The following CHSY1 variants were observed in gnomAD, a reference collection of about 807,000 sequenced individuals.
CHSY1 encodes the protein chondroitin sulfate synthase 1.
In CHSY1, 13 loss-of-function variants were observed where a neutral mutation model predicts 59.8. The observed-to-expected ratio is 0.22, with a 90% CI of 0.14 to 0.35. The LOEUF (loss-of-function observed/expected upper bound fraction) is 0.35, where lower values mean the gene tolerates loss of function less well. Among genes scored for constraint, CHSY1 ranks in the 10% least tolerant of loss-of-function variants. The pLI is 1.00. For missense variants in CHSY1, 947 were observed against 1,030.6 expected (o/e 0.92, Z 1.11); for synonymous variants, 459 against 401.2 (o/e 1.14, Z -1.72).
chr15:101,241,941 T>C (rs2039007075), intron 1 of CHSY1, among the ~76,000 whole-genome samples: 1 of 152,278 alleles, frequency 6.6e-6, no homozygotes, highest in South Asian at 2.1e-4. Flanking sequence ...CATACCCTCC[T>C]GTATACTTTA....
At chr15:101,223,454 T>C (rs981360339) in intron 2 of CHSY1, among the ~76,000 whole-genome samples, 2 of 152,254 alleles carry the variant, frequency 1.3e-5, no homozygotes, top group Non-Finnish European at 2.9e-5. Context: ...TATCTTATAG[T>C]TTTAGCTTTA....
intron 2 of CHSY1, among the ~76,000 whole-genome samples, chr15:101,220,915 C>T (rs936926507): frequency 6.6e-6 from 1 of 152,090 alleles, no homozygotes; most frequent in Non-Finnish European, 1.5e-5. Context: ...CGAGCAGCCC[C>T]GTCCCTCCAT....
At chr15:101,240,769 T>C (rs1308643890) in intron 1 of CHSY1, among the ~76,000 whole-genome samples, 1 of 152,198 alleles carries the variant, frequency 6.6e-6, no homozygotes, top group Non-Finnish European at 1.5e-5. Flanking sequence ...GGGATATAAA[T>C]AACTCCCACA....
At chr15:101,186,402 G>A (rs76149780) in intron 2 of CHSY1, among the ~76,000 whole-genome samples, 3,210 of 152,156 alleles carry the variant, frequency 0.021, 50 homozygotes, top group East Asian at 0.1. Context: ...ACAGAAATAA[G>A]GCTACTATTT....
intron 2 of CHSY1, chr15:101,188,178 T>G (rs868042644): frequency 1.0e-6 from 1 of 985,432 alleles, no homozygotes; most frequent in Middle Eastern, 5.2e-4. Context: ...TTAGGCAGCG[T>G]TTCAGTTCAT....
intron 1 of CHSY1, among the ~76,000 whole-genome samples, chr15:101,246,556 T>G (rs2039054996): frequency 6.6e-6 from 1 of 152,030 alleles, no homozygotes. Flanking sequence ...AGACAGAAAG[T>G]TCAACGGAAC....
intron 2 of CHSY1, among the ~76,000 whole-genome samples, chr15:101,213,292 T>C (rs1393476734): frequency 4.6e-5 from 7 of 151,752 alleles, no homozygotes; most frequent in African/African-American, 1.5e-4. Flanking sequence ...TGTAAAATCC[T>C]TGCATTTTTT....
At position 101,235,597 on chromosome 15, in the gene CHSY1, C is replaced by T; in HGVS notation, c.321-20G>A. On this transcript the variant is annotated intron_variant, in intron 1 of 2. Transcript: ENST00000254190. The stretch of plus-strand genomic sequence containing the variant: ...CATGTTCTGGAATTAAAATAAATAT[C>T]AGTTAGAGAACAGTTTATTCCAAGC... The T allele has an allele frequency of 6.2e-7, 1 of 1,601,952 alleles. No individual in the cohort carries two copies. The highest frequency in any genetic ancestry group is 8.5e-7 in the Non-Finnish European group (1 of 1,179,252).
At chr15:101,180,402 G>A (rs1353588248) in intron 2 of CHSY1, among the ~76,000 whole-genome samples, 5 of 152,252 alleles carry the variant, frequency 3.3e-5, no homozygotes, top group South Asian at 2.1e-4. Flanking sequence ...GCAGGTGCAC[G>A]CATGGACTTA....
At chr15:101,187,473 C>T (rs184236538) in intron 2 of CHSY1, 1 of 151,666 alleles carries the variant, frequency 6.6e-6, no homozygotes, top group East Asian at 1.9e-4. Flanking sequence ...AGCAGGACTC[C>T]ATCTCAAAAA....
chr15:101,195,593 G>A (rs564039839), intron 2 of CHSY1, among the ~76,000 whole-genome samples: 4 of 152,260 alleles, frequency 2.6e-5, no homozygotes, highest in Admixed American at 1.3e-4. Context: ...AGGCTGAGAC[G>A]GGCAGATCAT....
chr15:101,196,460 A>C (rs948120349), intron 2 of CHSY1, among the ~76,000 whole-genome samples: 7 of 152,180 alleles, frequency 4.6e-5, no homozygotes, highest in African/African-American at 1.7e-4. Context: ...GAAAACTCAG[A>C]GAGGTAAAAA....
intron 2 of CHSY1, among the ~76,000 whole-genome samples, chr15:101,191,676 C>T (rs934653883): frequency 2.6e-5 from 4 of 152,012 alleles, no homozygotes; most frequent in Non-Finnish European, 4.4e-5. Context: ...TAGGGGCAGG[C>T]GCCACTTGGG....
At chr15:101,206,247 C>T (rs1030014598) in intron 2 of CHSY1, among the ~76,000 whole-genome samples, 1 of 152,160 alleles carries the variant, frequency 6.6e-6, no homozygotes, top group Non-Finnish European at 1.5e-5. Context: ...GTGCCTCGTG[C>T]GCCACGGAGT....
At chr15:101,182,247 T>C (rs1311066503) in intron 2 of CHSY1, among the ~76,000 whole-genome samples, 1 of 152,192 alleles carries the variant, frequency 6.6e-6, no homozygotes, top group Non-Finnish European at 1.5e-5. Context: ...GTTCACAGTA[T>C]TGCACTAAAT....
intron 1 of CHSY1, among the ~76,000 whole-genome samples, chr15:101,243,301 T>C (rs979622507): frequency 3.9e-5 from 6 of 152,230 alleles, no homozygotes; most frequent in Admixed American, 2.0e-4. Flanking sequence ...CTTGAAAGTG[T>C]TGGAGAGCTC....
chr15:101,203,920 C>T (rs941477649), intron 2 of CHSY1, among the ~76,000 whole-genome samples: 2 of 152,156 alleles, frequency 1.3e-5, no homozygotes, highest in Admixed American at 1.3e-4. Context: ...CTCTGGAACA[C>T]CTCAAGTTCT....
At chr15:101,215,803 C>T (rs2038726724) in intron 2 of CHSY1, among the ~76,000 whole-genome samples, 1 of 152,180 alleles carries the variant, frequency 6.6e-6, no homozygotes, top group South Asian at 2.1e-4. Flanking sequence ...AGATCTTTTT[C>T]AGCTTGTTAA....
chr15:101,179,616 C>T (rs148326433), intron 2 of CHSY1, among the ~76,000 whole-genome samples: 33 of 152,330 alleles, frequency 2.2e-4, no homozygotes, highest in Admixed American at 6.5e-4. Context: ...CTCCTGCGTA[C>T]GAGGAAGGTA....
Sources: gnomAD v4.1 joint callset for allele counts (sites outside exome capture counted in the v4.1 genomes callset) on GRCh38, gnomAD v4.1.1 for gene constraint, MANE v1.5 for transcripts, NCBI Gene and HGNC (gene_info 2026-07-23, HGNC 2026-07-21) for gene names.